The following ARHGAP21 variants were observed in gnomAD, a reference collection of about 807,000 sequenced individuals.
The protein encoded by ARHGAP21 is Rho GTPase activating protein 21, also known as rho GTPase-activating protein 21.
In ARHGAP21, 38 loss-of-function variants were observed where a neutral mutation model predicts 164.6. The observed-to-expected ratio is 0.23, with a 90% CI of 0.18 to 0.30. ARHGAP21 has a LOEUF of 0.30. ARHGAP21 is among the 10% of genes least tolerant of loss of function. ARHGAP21 has a pLI of 1.00. For synonymous variants in ARHGAP21, 766 were observed against 857.9 expected, an observed-to-expected ratio of 0.89 and a Z score of 1.87; for missense variants, 1,822 against 2,370.7, an observed-to-expected ratio of 0.77 and a Z score of 4.81.
intron 2 of ARHGAP21, among the ~76,000 whole-genome samples, chr10:24,707,150 T>G (rs544178158): frequency 6.6e-6 from 1 of 152,336 alleles, no homozygotes; most frequent in South Asian, 2.1e-4. Flanking sequence ...ACTACTTCTT[T>G]AACTATTACT....
intron 8 of ARHGAP21, among the ~76,000 whole-genome samples, chr10:24,622,440 AT>A (rs1565039577): frequency 0.015 from 131 of 8,598 alleles, 5 homozygotes; most frequent in African/African-American, 0.063. Context: ...AAACATATAT[AT>A]ATATATATAT....
rs777827066 is a variant in ARHGAP21, at chr10:24,620,989, C to T, written c.906G>A (p.Arg302=). The T allele has an allele frequency of 1.2e-6, 2 of 1,613,988 alleles. No individual in the cohort carries two copies. The highest frequency in any genetic ancestry group is 2.2e-5 in the South Asian group (2 of 91,066). ...TGPSHRTEEV[R]YGVSEQTSLK... The stretch of plus-strand genomic sequence containing the variant: ...AAGAGGTCTGCTCACTCACGCCATA[C>T]CTCACTTCTTCAGTTCTATGTGAAG... Residue 302 remains arginine, a synonymous_variant, in exon 9 of 26, where the codon AGG becomes AGA. Coordinates refer to ENST00000396432, the MANE Select transcript of ARHGAP21 (RefSeq NM_020824.4).
chr10:24,682,547 T>C (rs980716464), intron 2 of ARHGAP21, among the ~76,000 whole-genome samples: 2 of 152,220 alleles, frequency 1.3e-5, no homozygotes, highest in Admixed American at 1.3e-4. Context: ...TTTTTCAACA[T>C]GTGGAAATCT....
chr10:24,669,042 T>C (rs916613394), intron 3 of ARHGAP21, among the ~76,000 whole-genome samples: 17 of 152,160 alleles, frequency 1.1e-4, no homozygotes, highest in African/African-American at 3.9e-4. Context: ...AGAGATCTAG[T>C]CCAGTTGTTT....
chr10:24,607,765 C>A lies in ARHGAP21; in HGVS notation c.2561G>T (p.Arg854Leu). 1 of 1,613,786 alleles carries A rather than the reference C, an allele frequency of 6.2e-7. No homozygotes were observed. Among genetic ancestry groups the A allele is most frequent in the South Asian group, 1.1e-5 (1 of 90,994 alleles). Residue 854 changes from arginine to leucine, a missense_variant, in exon 10 of 26, where the codon CGT becomes CTT. Transcript: ENST00000396432. ...CLTTSAPLIRRQLSHDHESVG... is the reference protein window; with the variant it reads ...CLTTSAPLIRLQLSHDHESVG... ...CGTACCGTGGTCATGTGAGAGCTGA[C>A]GGCGAATTAATGGAGCTGAAGTTGT...
intron 4 of ARHGAP21, among the ~76,000 whole-genome samples, chr10:24,636,119 G>A (rs1836358394): frequency 6.6e-6 from 1 of 152,184 alleles, no homozygotes; most frequent in South Asian, 2.1e-4. Context: ...TTTGGAGTCT[G>A]ACCAGAAATC....
At chr10:24,673,591 G>A (rs1840922535) in intron 2 of ARHGAP21, among the ~76,000 whole-genome samples, 1 of 152,358 alleles carries the variant, frequency 6.6e-6, no homozygotes. Flanking sequence ...GCCGGCCGTG[G>A]TGGCTCACGC....
intron 4 of ARHGAP21, among the ~76,000 whole-genome samples, chr10:24,661,837 G>C (rs1046384855): frequency 6.6e-6 from 1 of 152,198 alleles, no homozygotes; most frequent in African/African-American, 2.4e-5. Context: ...TAATTGTCTA[G>C]AAGTTAGAAG....
In ARHGAP21 at chr10:24,591,646, G is replaced by C. The variant is rs1213336387; in HGVS notation, c.4040C>G (p.Pro1347Arg). ...ATGCTGACAGACAATACTTACAAGA[G>C]GCTCTTCAGCACCTTCTTCTGTGAA... Reference protein sequence around the residue: ...WFFTEEGAEEPLTTVQEESTV... With the variant: ...WFFTEEGAEERLTTVQEESTV... Residue 1347 changes from proline to arginine, a missense_variant, in exon 23 of 26, where the codon CCT (proline) becomes CGT (arginine). By Grantham distance (103) the Pro-to-Arg change is moderately radical. Coordinates refer to ENST00000396432, the MANE Select transcript of ARHGAP21 (RefSeq NM_020824.4). The C allele has an allele frequency of 3.1e-6, 5 of 1,613,998 alleles. No individual in the cohort carries two copies. Among genetic ancestry groups the C allele is most frequent in the Non-Finnish European group, 4.2e-6 (5 of 1,179,940 alleles).
chr10:24,698,931 G>A (rs1191792800), intron 2 of ARHGAP21, among the ~76,000 whole-genome samples: 1 of 152,098 alleles, frequency 6.6e-6, no homozygotes, highest in African/African-American at 2.4e-5. Context: ...CAATATATTT[G>A]TACATATATA....
At chr10:24,602,165 T>C (rs1005931154) in intron 12 of ARHGAP21, 62 bp from the exon 13 acceptor site, 7 of 1,538,032 alleles carry the variant, frequency 4.6e-6, no homozygotes, top group Admixed American at 2.1e-5. Flanking sequence ...TATTTGCACA[T>C]GGAAACTGCT....
At chr10:24,594,911 C>A (rs368112429) in intron 21 of ARHGAP21, 39 bp downstream of exon 21, 24 of 1,494,960 alleles carry the variant, frequency 1.6e-5, no homozygotes, top group Non-Finnish European at 2.1e-5. Flanking sequence ...TAAACTAAAG[C>A]CACTAAAAGT....
intron 4 of ARHGAP21, among the ~76,000 whole-genome samples, chr10:24,649,583 C>G (rs1001741600): frequency 1.3e-5 from 2 of 152,088 alleles, no homozygotes; most frequent in Admixed American, 6.5e-5. Flanking sequence ...TAGGCTAACT[C>G]AGGTAACAGC....
chr10:24,640,082 A>T (rs1203587858), intron 4 of ARHGAP21: 3 of 151,998 alleles, frequency 2.0e-5, no homozygotes, highest in Non-Finnish European at 2.9e-5. Flanking sequence ...ATTTCTTAAC[A>T]GACTGGAAAA....
intron 12 of ARHGAP21, among the ~76,000 whole-genome samples, chr10:24,604,097 A>G (rs1462599491): frequency 2.6e-5 from 4 of 152,164 alleles, no homozygotes; most frequent in Non-Finnish European, 5.9e-5. Context: ...CAGGATAGAA[A>G]AGCATACAAC....
At chr10:24,658,663 C>A (rs1020731587) in intron 4 of ARHGAP21, among the ~76,000 whole-genome samples, 6 of 152,084 alleles carry the variant, frequency 3.9e-5, no homozygotes, top group Non-Finnish European at 7.4e-5. Context: ...AAACTTCACA[C>A]ACTGGGGCCT....
chr10:24,697,378 A>G (rs941428920), intron 2 of ARHGAP21, among the ~76,000 whole-genome samples: 2 of 152,140 alleles, frequency 1.3e-5, no homozygotes, highest in Admixed American at 6.5e-5. Flanking sequence ...GAAAGAAAAG[A>G]AAGAGACACC....
chr10:24,619,693 A>G lies in ARHGAP21; in HGVS notation c.2202T>C (p.Ala734=), dbSNP rs1469151278. The G allele has an allele frequency of 6.2e-7, 1 of 1,614,156 alleles. No homozygotes were observed. Among genetic ancestry groups the G allele is most frequent in the Non-Finnish European group, 8.5e-7 (1 of 1,180,032 alleles). The change falls in exon 9 of 26, where the codon GCT becomes GCC. Residue 734 remains alanine, a synonymous_variant. Coordinates refer to ENST00000396432, the MANE Select transcript of ARHGAP21 (RefSeq NM_020824.4). ...ATGGAGGTTTTTCCCTTAGGATGAC[A>G]GCTTCTTTATTATCTAAAGTATCTG... is the stretch of plus-strand genomic sequence containing the variant. ...EQSDTLDNKE[A]VILREKPPSG... is the part of the protein sequence containing the mutation.
intron 6 of ARHGAP21, among the ~76,000 whole-genome samples, chr10:24,631,561 T>C (rs1835858325): frequency 6.6e-6 from 1 of 152,194 alleles, no homozygotes; most frequent in African/African-American, 2.4e-5. Context: ...TGAATCATTA[T>C]GTTTAGTTTC....
Sources: gnomAD v4.1 joint callset for allele counts (sites outside exome capture counted in the v4.1 genomes callset) on GRCh38, gnomAD v4.1.1 for gene constraint, MANE v1.5 for transcripts, NCBI Gene and HGNC (gene_info 2026-07-23, HGNC 2026-07-21) for gene names.